PDZRN4: variants seen among roughly 807,000 people sequenced by gnomAD.
PDZRN4 encodes the protein PDZ domain-containing RING finger protein 4.
PDZRN4 carries 70 observed loss-of-function variants against 99.0 expected under a neutral mutation model. That is an observed-to-expected ratio of 0.71 (90% confidence interval 0.58 to 0.86). The LOEUF (loss-of-function observed/expected upper bound fraction) is 0.86, where lower values mean the gene tolerates loss of function less well. Ranked by LOEUF, PDZRN4 falls within the 40% of genes least tolerant of loss-of-function variation. The probability of loss-of-function intolerance (pLI) is 0.00; values close to 1 mark genes in which losing one functional copy is unlikely to be tolerated. For missense variants in PDZRN4, 1,474 were observed against 1,331.2 expected, an observed-to-expected ratio of 1.11 and a Z score of -1.67; for synonymous variants, 551 against 501.6, an observed-to-expected ratio of 1.10 and a Z score of -1.32.
At chr12:41,536,964 T>C (rs993240429) in intron 5 of PDZRN4, among the ~76,000 whole-genome samples, 2 of 152,184 alleles carry the variant, frequency 1.3e-5, no homozygotes, top group Non-Finnish European at 2.9e-5. Context: ...TCTATGTTTT[T>C]GAGTCATACT....
chr12:41,461,780 A>C (rs536728768), intron 3 of PDZRN4, among the ~76,000 whole-genome samples: 13 of 152,280 alleles, frequency 8.5e-5, no homozygotes, highest in African/African-American at 3.1e-4. Context: ...ATTCACCTCC[A>C]AAAATCCATA....
chr12:41,327,116 C>T (rs1426802091), intron 3 of PDZRN4, among the ~76,000 whole-genome samples: 12 of 152,184 alleles, frequency 7.9e-5, no homozygotes, highest in East Asian at 1.9e-4. Flanking sequence ...TTGTTTCTTT[C>T]GAATTTGAGT....
intron 3 of PDZRN4, among the ~76,000 whole-genome samples, chr12:41,326,047 T>A (rs189468410): frequency 5.3e-5 from 8 of 152,172 alleles, no homozygotes; most frequent in Admixed American, 3.3e-4. Flanking sequence ...AGTGGCATGA[T>A]ATCATGGCTC....
chr12:41,419,506 C>T (rs1952472838), intron 3 of PDZRN4, among the ~76,000 whole-genome samples: 1 of 152,072 alleles, frequency 6.6e-6, no homozygotes, highest in Admixed American at 6.6e-5. Flanking sequence ...GTAAGGTAAC[C>T]AAAGCCAGGT....
chr12:41,416,243 A>T (rs1952444503), intron 3 of PDZRN4, among the ~76,000 whole-genome samples: 1 of 152,194 alleles, frequency 6.6e-6, no homozygotes, highest in African/African-American at 2.4e-5. Context: ...TGGTAAGTAA[A>T]TTTTTATTTT....
intron 3 of PDZRN4, among the ~76,000 whole-genome samples, chr12:41,213,360 T>C (rs1950900058): frequency 6.6e-6 from 1 of 152,016 alleles, no homozygotes. Flanking sequence ...AACCCACGGC[T>C]TCAACATATA....
chr12:41,424,184 G>GCATAAGTCC (rs1485111377), intron 3 of PDZRN4, among the ~76,000 whole-genome samples: 1 of 152,164 alleles, frequency 6.6e-6, no homozygotes, highest in African/African-American at 2.4e-5. Flanking sequence ...ATATTTGTTT[G>GCATAAGTCC]CTATGCAGTT....
At chr12:41,194,527 G>C (rs1028938738) in intron 3 of PDZRN4, among the ~76,000 whole-genome samples, 11 of 152,120 alleles carry the variant, frequency 7.2e-5, no homozygotes, top group African/African-American at 2.7e-4. Context: ...TATGGTCCCA[G>C]CTACTCAGGA....
chr12:41,307,746 T>C (rs1951581607), intron 3 of PDZRN4, among the ~76,000 whole-genome samples: 1 of 152,178 alleles, frequency 6.6e-6, no homozygotes, highest in Admixed American at 6.5e-5. Context: ...CACTCTTGAT[T>C]ACATATGAAA....
chr12:41,496,789 A>T (rs951633981), intron 3 of PDZRN4, among the ~76,000 whole-genome samples: 1 of 152,296 alleles, frequency 6.6e-6, no homozygotes, highest in Non-Finnish European at 1.5e-5. Flanking sequence ...ATGAAAATGT[A>T]TTTAACACAT....
At chr12:41,214,042 T>A (rs115928364) in intron 3 of PDZRN4, among the ~76,000 whole-genome samples, 1,989 of 152,062 alleles carry the variant, frequency 0.013, 43 homozygotes, top group African/African-American at 0.045. Context: ...TTATTAAAAC[T>A]GAGTGACTGT....
intron 3 of PDZRN4, among the ~76,000 whole-genome samples, chr12:41,196,315 T>C (rs1260682942): frequency 6.6e-6 from 1 of 152,098 alleles, no homozygotes; most frequent in Non-Finnish European, 1.5e-5. Flanking sequence ...AGTTAATGAC[T>C]AGAGCTTGAA....
chr12:41,351,733 G>A (rs1951891762), intron 3 of PDZRN4, among the ~76,000 whole-genome samples: 1 of 152,026 alleles, frequency 6.6e-6, no homozygotes, highest in Non-Finnish European at 1.5e-5. Flanking sequence ...TTTGACACGA[G>A]ATTTGGGTGG....
intron 3 of PDZRN4, among the ~76,000 whole-genome samples, chr12:41,330,716 A>C (rs755646472): frequency 3.9e-5 from 6 of 152,066 alleles, no homozygotes; most frequent in Non-Finnish European, 8.8e-5. Context: ...ATTCAAAATA[A>C]TACTATCCAG....
chr12:41,557,320 C>A (rs888978131), intron 7 of PDZRN4, among the ~76,000 whole-genome samples: 1 of 152,072 alleles, frequency 6.6e-6, no homozygotes, highest in African/African-American at 2.4e-5. Flanking sequence ...ATCCAGGGAG[C>A]GATAAGCTGT....
At chr12:41,285,158 A>G (rs1426610707) in intron 3 of PDZRN4, among the ~76,000 whole-genome samples, 1 of 150,334 alleles carries the variant, frequency 6.7e-6, no homozygotes, top group Non-Finnish European at 1.5e-5. Context: ...ACAAATTTAC[A>G]AGAAAAAAAA....
intron 3 of PDZRN4, among the ~76,000 whole-genome samples, chr12:41,337,681 G>C (rs1951785667): frequency 6.6e-6 from 1 of 152,068 alleles, no homozygotes. Flanking sequence ...CTTTGTCTGA[G>C]CCATTCCTTT....
chr12:41,518,082 T>C (rs1053698762), intron 5 of PDZRN4, among the ~76,000 whole-genome samples: 1 of 152,082 alleles, frequency 6.6e-6, no homozygotes, highest in Admixed American at 6.6e-5. Context: ...CTATATCACA[T>C]TGTCTCTGAA....
intron 3 of PDZRN4, among the ~76,000 whole-genome samples, chr12:41,208,794 A>T (rs541081235): frequency 6.6e-6 from 1 of 152,076 alleles, no homozygotes; most frequent in South Asian, 2.1e-4. Context: ...AACAAAGTGA[A>T]GATTGTTAAT....
Sources: allele counts gnomAD v4.1 joint callset (sites outside exome capture counted in the v4.1 genomes callset), GRCh38; gene constraint gnomAD v4.1.1; transcripts MANE v1.5; gene names NCBI Gene and HGNC (gene_info 2026-07-23, HGNC 2026-07-21).